The following ADGRL3 variants were observed in gnomAD, a reference collection of about 807,000 sequenced individuals.
ADGRL3 encodes the protein calcium-independent alpha-latrotoxin receptor 3.
In ADGRL3, 62 loss-of-function variants were observed where a neutral mutation model predicts 153.5. The ratio of observed to expected loss-of-function variants is 0.40; its 90% confidence interval spans 0.33 to 0.50. ADGRL3 has a LOEUF of 0.50. Ranked by LOEUF, ADGRL3 falls within the 20% of genes least tolerant of loss-of-function variation. ADGRL3 has a pLI of 0.47. For synonymous variants in ADGRL3, 710 were observed against 672.5 expected, an observed-to-expected ratio of 1.06 and a Z score of -0.86; for missense variants, 1,641 against 1,859.4, an observed-to-expected ratio of 0.88 and a Z score of 2.16.
intron 1 of ADGRL3, among the ~76,000 whole-genome samples, chr4:61,205,943 C>G (rs1452547790): frequency 2.0e-5 from 3 of 152,142 alleles, no homozygotes. Flanking sequence ...AATTCTACTG[C>G]TGCATAAGAA....
At chr4:61,712,527 T>TGAA (rs2096015636) in intron 6 of ADGRL3, among the ~76,000 whole-genome samples, 1 of 152,156 alleles carries the variant, frequency 6.6e-6, no homozygotes, top group African/African-American at 2.4e-5. Context: ...ATCCACAAGA[T>TGAA]GAAGATATTA....
intron 15 of ADGRL3, among the ~76,000 whole-genome samples, chr4:61,938,346 A>G (rs1011820680): frequency 2.0e-5 from 3 of 152,190 alleles, no homozygotes; most frequent in African/African-American, 7.2e-5. Context: ...TTATGTTATA[A>G]CAGATAAGTC....
At chr4:61,455,848 C>G (rs1325340111) in intron 2 of ADGRL3, among the ~76,000 whole-genome samples, 1 of 152,038 alleles carries the variant, frequency 6.6e-6, no homozygotes, top group Admixed American at 6.6e-5. Flanking sequence ...CAGAGTCTCA[C>G]TCTATCTCCC....
At chr4:61,739,327 G>A (rs2096556023) in intron 8 of ADGRL3, among the ~76,000 whole-genome samples, 1 of 149,530 alleles carries the variant, frequency 6.7e-6, no homozygotes, top group Non-Finnish European at 1.5e-5. Flanking sequence ...TTTGATTGGA[G>A]ACAGAGTCTC....
intron 4 of ADGRL3, among the ~76,000 whole-genome samples, chr4:61,549,297 G>C (rs978175919): frequency 2.6e-5 from 4 of 151,956 alleles, no homozygotes; most frequent in Non-Finnish European, 5.9e-5. Flanking sequence ...TTCCTATTTG[G>C]ATGTCTTTTA....
intron 8 of ADGRL3, among the ~76,000 whole-genome samples, chr4:61,755,647 G>A (rs536888002): frequency 6.6e-6 from 1 of 152,204 alleles, no homozygotes; most frequent in Non-Finnish European, 1.5e-5. Context: ...GTCAATTTTG[G>A]CTTTGGTTGC....
chr4:61,839,000 G>T (rs1014814261), intron 9 of ADGRL3, among the ~76,000 whole-genome samples: 1 of 152,148 alleles, frequency 6.6e-6, no homozygotes, highest in Non-Finnish European at 1.5e-5. Context: ...TTGATAGAGA[G>T]TGTTTTGTTT....
At position 61,645,780 on chromosome 4, in the gene ADGRL3, T is replaced by G. The variant is rs191903400; in HGVS notation, c.474-31046T>G. 5.9e-5 allele frequency among the ~76,000 whole-genome samples: 9 copies of G among 152,102 alleles called. No homozygotes were observed. The East Asian group carries it at 9.8e-4, about 16-fold the overall frequency. On this transcript the variant is annotated intron_variant, in intron 5 of 26. Transcript: ENST00000683033. ...TTATGTGTCTTGGAGTTGCTCTTCT[T>G]GAGGAATATCTTTGTGGCGTTCTCT...
At chr4:62,052,385 T>C (rs1734688508) in intron 25 of ADGRL3, among the ~76,000 whole-genome samples, 1 of 151,578 alleles carries the variant, frequency 6.6e-6, no homozygotes, top group Non-Finnish European at 1.5e-5. Context: ...AATTCCTTCC[T>C]GTACTATTCA....
At chr4:62,025,456 T>TTGGA in intron 21 of ADGRL3, among the ~76,000 whole-genome samples, 1 of 152,272 alleles carries the variant, frequency 6.6e-6, no homozygotes, top group East Asian at 1.9e-4. Context: ...TTATAAGGAC[T>TTGGA]TGGAGCACCT....
intron 11 of ADGRL3, among the ~76,000 whole-genome samples, chr4:61,905,727 T>G (rs2098692321): frequency 6.6e-6 from 1 of 151,824 alleles, no homozygotes; most frequent in African/African-American, 2.4e-5. Context: ...AAACCTAATC[T>G]CTACTGAAAA....
intron 8 of ADGRL3, among the ~76,000 whole-genome samples, chr4:61,766,740 G>T (rs2152267208): frequency 6.6e-6 from 1 of 151,898 alleles, no homozygotes; most frequent in Non-Finnish European, 1.5e-5. Flanking sequence ...GCGAAGAGAG[G>T]CTGGGATTAA....
chr4:61,560,652 A>AT (rs1334860283), intron 4 of ADGRL3, among the ~76,000 whole-genome samples: 10 of 103,180 alleles, frequency 9.7e-5, no homozygotes, highest in East Asian at 9.1e-4. Flanking sequence ...GTTTTTATTT[A>AT]TTTATTTTTT....
chr4:61,223,621 C>T (rs1746631957), intron 1 of ADGRL3, among the ~76,000 whole-genome samples: 1 of 152,176 alleles, frequency 6.6e-6, no homozygotes, highest in Admixed American at 6.5e-5. Flanking sequence ...GGGTAACAAC[C>T]TATATTTGAT....
intron 8 of ADGRL3, among the ~76,000 whole-genome samples, chr4:61,785,971 G>T (rs913424020): frequency 6.6e-6 from 1 of 152,140 alleles, no homozygotes; most frequent in Non-Finnish European, 1.5e-5. Context: ...CCAAGATCAT[G>T]CCACTGCATT....
rs2093176581 is a variant in ADGRL3 at position 61,631,732 on chromosome 4, CTT to C, written c.473+44293_473+44294del. On this transcript the variant is annotated intron_variant, in intron 5 of 26. Transcript: ENST00000683033. ...TTTAATTAAAATCAGAAATGTGACACTTGTTACTCAACTAAAATAAGCTAAAT... is the reference window on the plus strand; with the variant it reads ...TTTAATTAAAATCAGAAATGTGACACGTTACTCAACTAAAATAAGCTAAAT... Among the ~76,000 whole-genome samples, 5 of 152,124 alleles carry C rather than the reference CTT, an allele frequency of 3.3e-5. No individual in the cohort carries two copies. The South Asian group carries it at 1.0e-3, about 32-fold the overall frequency.
At chr4:61,364,732 G>A (rs1185107228) in intron 1 of ADGRL3, among the ~76,000 whole-genome samples, 1 of 152,194 alleles carries the variant, frequency 6.6e-6, no homozygotes, top group African/African-American at 2.4e-5. Flanking sequence ...GTACAAACAG[G>A]TTGGAGTTAG....
At position 61,987,929 on chromosome 4, in the gene ADGRL3, A is replaced by G. The variant is rs151329195; in HGVS notation, c.3236+4326A>G. The stretch of plus-strand genomic sequence containing the variant: ...AGGTTTTATTTCTGAAATCTTTAAT[A>G]TAATAATAATACCTTACATTTCTAA... On this transcript the variant is annotated intron_variant, in intron 19 of 26. Coordinates refer to ENST00000683033, the MANE Select transcript of ADGRL3 (RefSeq NM_001387552.1). 4.3e-3 allele frequency among the ~76,000 whole-genome samples: 653 copies of G among 152,182 alleles called. 5 individuals are homozygous for G. The highest frequency in any genetic ancestry group is 0.014 in the African/African-American group (594 of 41,538).
At chr4:62,039,853 AT>A (rs1398924445) in intron 24 of ADGRL3, among the ~76,000 whole-genome samples, 1 of 152,128 alleles carries the variant, frequency 6.6e-6, no homozygotes, top group Non-Finnish European at 1.5e-5. Flanking sequence ...TGCTTTTCAC[AT>A]TACTGAGTTC....
Sources: gnomAD v4.1 joint callset for allele counts (sites outside exome capture counted in the v4.1 genomes callset) on GRCh38, gnomAD v4.1.1 for gene constraint, MANE v1.5 for transcripts, NCBI Gene and HGNC (gene_info 2026-07-23, HGNC 2026-07-21) for gene names.